ADAMTS18: variants seen among roughly 807,000 people sequenced by gnomAD.
ADAMTS18 encodes the protein ADAM metallopeptidase with thrombospondin type 1 motif 18, also known as A disintegrin and metalloproteinase with thrombospondin motifs 18.
In ADAMTS18, 157 loss-of-function variants were observed where a neutral mutation model predicts 165.9. The ratio of observed to expected loss-of-function variants is 0.95; its 90% CI spans 0.83 to 1.08. The LOEUF (loss-of-function observed/expected upper bound fraction) is 1.08, where lower values mean the gene tolerates loss of function less well. Among genes scored for constraint, ADAMTS18 ranks in the 50% least tolerant of loss-of-function variants. The pLI, the probability that ADAMTS18 is intolerant of heterozygous loss-of-function variation, is 0.00. For synonymous variants in ADAMTS18, 782 were observed against 578.2 expected (o/e 1.35, Z -5.06); for missense variants, 2,040 against 1,534.0 (o/e 1.33, Z -5.51).
intron 21 of ADAMTS18, chr16:77,290,989 T>TAGCACCAGCA: frequency 2.5e-6 from 1 of 403,604 alleles, no homozygotes; most frequent in East Asian, 5.3e-5. Context: ...ATTAGCAGTG[T>TAGCACCAGCA]ATAACTGGCC....
chr16:77,384,859 T>G (rs921657597), intron 3 of ADAMTS18, among the ~76,000 whole-genome samples: 2 of 152,098 alleles, frequency 1.3e-5, no homozygotes, highest in Admixed American at 6.6e-5. Flanking sequence ...TCATATATAG[T>G]TATCAAAATA....
chr16:77,320,997 C>G, intron 15 of ADAMTS18, 82 bp downstream of exon 15: 1 of 1,567,980 alleles, frequency 6.4e-7, no homozygotes, highest in Non-Finnish European at 8.8e-7. Context: ...GTAAAAGGCT[C>G]AACCACATTT....
chr16:77,303,839 C>T (rs1352664074), intron 16 of ADAMTS18, among the ~76,000 whole-genome samples: 1 of 152,172 alleles, frequency 6.6e-6, no homozygotes, highest in Admixed American at 6.5e-5. Context: ...CGAGACCATT[C>T]TAACATGGTG....
intron 3 of ADAMTS18, among the ~76,000 whole-genome samples, chr16:77,397,342 T>A (rs541860902): frequency 6.6e-6 from 1 of 152,314 alleles, no homozygotes; most frequent in African/African-American, 2.4e-5. Context: ...ATATAAAGGA[T>A]GTTAGACTTC....
In ADAMTS18 at chr16:77,289,332, A is replaced by G. The variant is rs1266723363; in HGVS notation, c.3482T>C (p.Leu1161Pro). 6.2e-7 allele frequency: 1 copy of G among 1,614,164 alleles called. No individual in the cohort carries two copies. The highest frequency in any genetic ancestry group is 2.2e-5 in the East Asian group (1 of 44,876). The part of the protein sequence containing the change: ...VQQGRPSSSC[L>P]LHQKPPVLRA... Reference sequence around the variant, plus strand: ...TAGCACCGGAGGTTTCTGATGGAGCAGACAACTTGAGGAAGGCCGGCCTTG... The same window carrying G: ...TAGCACCGGAGGTTTCTGATGGAGCGGACAACTTGAGGAAGGCCGGCCTTG... The change falls in exon 22 of 23, where the codon CTG becomes CCG. Residue 1161 changes from leucine to proline, a missense_variant. Transcript: ENST00000282849.
At chr16:77,333,576 C>CA (rs1176524973) in intron 12 of ADAMTS18, among the ~76,000 whole-genome samples, 2 of 150,434 alleles carry the variant, frequency 1.3e-5, no homozygotes, top group African/African-American at 2.4e-5. Flanking sequence ...AAAGCCATCC[C>CA]AAAAAAATCC....
At chr16:77,416,894 G>T (rs2057537753) in intron 3 of ADAMTS18, among the ~76,000 whole-genome samples, 2 of 152,164 alleles carry the variant, frequency 1.3e-5, no homozygotes, top group African/African-American at 4.8e-5. Flanking sequence ...GGCAGCAGTG[G>T]TAAGAAGTGG....
chr16:77,427,040 A>C (rs1020076065), intron 3 of ADAMTS18, among the ~76,000 whole-genome samples: 2 of 148,598 alleles, frequency 1.3e-5, no homozygotes, highest in African/African-American at 4.8e-5. Context: ...ATAAAAAATG[A>C]TGAGTCAATG....
At chr16:77,332,232 T>A (rs2056200981) in intron 12 of ADAMTS18, among the ~76,000 whole-genome samples, 1 of 152,316 alleles carries the variant, frequency 6.6e-6, no homozygotes, top group Admixed American at 6.5e-5. Flanking sequence ...ACTTAAATTA[T>A]GTTGTAAATT....
Position 77,300,328 on chromosome 16 carries a change from G to A in ADAMTS18, c.2609C>T (p.Ala870Val), listed in dbSNP as rs773021071. Residue 870 changes from alanine to valine, a missense_variant, in exon 17 of 23, where the codon GCC (alanine) becomes GTC (valine). Transcript: ENST00000282849. ...CCAGGTATAGGCAGGTCTTTTTGTG[G>A]CTGGTGGAGTTCCATTCATGACCTT... ...LPKVMNGTPP[A>V]TKRPAYTWSI... The A allele has an allele frequency of 1.2e-6, 2 of 1,613,912 alleles. No individual in the cohort carries two copies. Among genetic ancestry groups the A allele is most frequent in the African/African-American group, 1.3e-5 (1 of 74,896 alleles).
intron 7 of ADAMTS18, among the ~76,000 whole-genome samples, chr16:77,359,789 C>T (rs1338019663): frequency 6.6e-6 from 1 of 152,138 alleles, no homozygotes; most frequent in Non-Finnish European, 1.5e-5. Context: ...AGAATGATAG[C>T]AAAACCAATG....
chr16:77,389,200 G>T (rs1018991794), intron 3 of ADAMTS18, among the ~76,000 whole-genome samples: 1 of 152,140 alleles, frequency 6.6e-6, no homozygotes, highest in Non-Finnish European at 1.5e-5. Context: ...AGTCAAGAAG[G>T]AGGCTGAAGC....
intron 3 of ADAMTS18, among the ~76,000 whole-genome samples, chr16:77,417,375 G>A (rs2057544202): frequency 6.6e-6 from 1 of 152,128 alleles, no homozygotes; most frequent in East Asian, 1.9e-4. Flanking sequence ...GTTACTGGCA[G>A]CTAGAAACAC....
intron 3 of ADAMTS18, among the ~76,000 whole-genome samples, chr16:77,419,816 T>C (rs559603484): frequency 3.3e-5 from 5 of 151,746 alleles, no homozygotes; most frequent in Non-Finnish European, 5.9e-5. Flanking sequence ...CTGGCCAACA[T>C]GGTGAAACCC....
chr16:77,302,988 A>C (rs997527329), intron 16 of ADAMTS18, among the ~76,000 whole-genome samples: 3 of 152,208 alleles, frequency 2.0e-5, no homozygotes, highest in Non-Finnish European at 4.4e-5. Context: ...CCAACCATAC[A>C]AAATTATCAA....
intron 3 of ADAMTS18, among the ~76,000 whole-genome samples, chr16:77,411,175 G>A (rs1044780841): frequency 5.3e-5 from 8 of 152,118 alleles, no homozygotes; most frequent in Non-Finnish European, 4.4e-5. Flanking sequence ...ATTCCACCTT[G>A]CCACAGGGCA....
At chr16:77,419,331 G>A (rs919797703) in intron 3 of ADAMTS18, among the ~76,000 whole-genome samples, 1 of 152,090 alleles carries the variant, frequency 6.6e-6, no homozygotes, top group Non-Finnish European at 1.5e-5. Flanking sequence ...ACTTCCCTCT[G>A]GTTGTAGGAC....
At chr16:77,381,823 A>G (rs970284615) in intron 3 of ADAMTS18, among the ~76,000 whole-genome samples, 1 of 152,204 alleles carries the variant, frequency 6.6e-6, no homozygotes, top group African/African-American at 2.4e-5. Context: ...TAATAAATAA[A>G]CAAATCAGAG....
At chr16:77,352,968 T>G (rs1301408794) in intron 10 of ADAMTS18, among the ~76,000 whole-genome samples, 2 of 151,984 alleles carry the variant, frequency 1.3e-5, no homozygotes, top group African/African-American at 4.8e-5. Flanking sequence ...GCATGGTGGC[T>G]ACTCAGGAGG....
Sources: allele counts gnomAD v4.1 joint callset (sites outside exome capture counted in the v4.1 genomes callset), GRCh38; gene constraint gnomAD v4.1.1; transcripts MANE v1.5; gene names NCBI Gene and HGNC (gene_info 2026-07-23, HGNC 2026-07-21).